Variants in CAST observed in about 807,000 individuals in gnomAD.
CAST encodes the protein MIR583 host.
CAST carries 76 observed loss-of-function variants against 119.6 expected under a neutral mutation model. The ratio of observed to expected loss-of-function variants is 0.64; its 90% CI spans 0.53 to 0.77. CAST has a LOEUF of 0.77. Ranked by LOEUF, CAST falls within the 30% of genes least tolerant of loss-of-function variation. The pLI is 0.00. For missense variants in CAST, 953 were observed against 946.5 expected, an observed-to-expected ratio of 1.01 and a Z score of -0.09; for synonymous variants, 319 against 331.6, an observed-to-expected ratio of 0.96 and a Z score of 0.41.
intron 3 of CAST, among the ~76,000 whole-genome samples, chr5:96,697,345 T>C (rs1275341724): frequency 2.6e-5 from 4 of 152,168 alleles, no homozygotes; most frequent in Non-Finnish European, 4.4e-5. Context: ...GACTTTCTCA[T>C]AGATGTCACT....
At chr5:96,597,593 C>A (rs1747074893) in intron 1 of CAST, among the ~76,000 whole-genome samples, 1 of 152,180 alleles carries the variant, frequency 6.6e-6, no homozygotes, top group African/African-American at 2.4e-5. Flanking sequence ...ACATCACACT[C>A]CTCCGTTAGT....
chr5:96,049,889 C>CAAAAAAAAAAA, the CAST span, among the ~76,000 whole-genome samples: 81 of 34,198 alleles, frequency 2.4e-3, no homozygotes, highest in South Asian at 4.3e-3. Context: ...GAACAGGAGG[C>CAAAAAAAAAAA]AAAAAAAAAA....
chr5:96,722,608 C>T (rs1195874900), intron 3 of CAST, 31 bp from the exon 4 acceptor site: 3 of 1,523,720 alleles, frequency 2.0e-6, no homozygotes, highest in African/African-American at 1.4e-5. Flanking sequence ...TAAATAGAAT[C>T]GAACTTTCTA....
chr5:96,429,124 A>C, the CAST span: 3 of 747,746 alleles, frequency 4.0e-6, no homozygotes, highest in Non-Finnish European at 4.7e-6. Context: ...AAAAAACCAC[A>C]TTTGCAAAAT....
At chr5:96,124,597 G>C in the CAST span, among the ~76,000 whole-genome samples, 34 of 152,016 alleles carry the variant, frequency 2.2e-4, no homozygotes, top group South Asian at 6.5e-3. Flanking sequence ...TATGGACAGG[G>C]ACCTTACTTT....
At chr5:96,323,282 G>T in the CAST span, among the ~76,000 whole-genome samples, 1 of 152,234 alleles carries the variant, frequency 6.6e-6, no homozygotes, top group Admixed American at 6.5e-5. Context: ...CTAACCACCA[G>T]AGTGTCTGAT....
At chr5:96,679,942 T>C (rs1751154106) in intron 2 of CAST, among the ~76,000 whole-genome samples, 1 of 152,198 alleles carries the variant, frequency 6.6e-6, no homozygotes, top group African/African-American at 2.4e-5. Context: ...ATTAACGCGA[T>C]AATGTCATGT....
the CAST span, among the ~76,000 whole-genome samples, chr5:96,323,834 G>A: frequency 6.6e-6 from 1 of 152,300 alleles, no homozygotes; most frequent in Admixed American, 6.5e-5. Flanking sequence ...CTTCCTTCCG[G>A]TTAACACAGC....
intron 3 of CAST, among the ~76,000 whole-genome samples, chr5:96,706,295 G>A (rs1261228206): frequency 1.3e-5 from 2 of 152,196 alleles, no homozygotes; most frequent in Admixed American, 6.5e-5. Flanking sequence ...ATATGAGCAA[G>A]GAACCCTTTT....
chr5:96,234,167 C>G, the CAST span, among the ~76,000 whole-genome samples: 1 of 152,126 alleles, frequency 6.6e-6, no homozygotes, highest in Non-Finnish European at 1.5e-5. Context: ...TGCATCAATT[C>G]TTTGAATTTT....
the CAST span, among the ~76,000 whole-genome samples, chr5:96,152,340 T>C: frequency 1.3e-5 from 2 of 152,198 alleles, no homozygotes; most frequent in African/African-American, 2.4e-5. Context: ...CACATCCATT[T>C]AAAGCTTATA....
chr5:96,546,356 T>C (rs1211657616), intron 1 of CAST: 1 of 152,216 alleles, frequency 6.6e-6, no homozygotes, highest in Non-Finnish European at 1.5e-5. Context: ...AAGCCTGGTC[T>C]TTTATATTTT....
chr5:96,142,721 A>G, the CAST span, among the ~76,000 whole-genome samples: 1 of 152,302 alleles, frequency 6.6e-6, no homozygotes, highest in African/African-American at 2.4e-5. Flanking sequence ...GCAGTGGGAA[A>G]ATACTTAAAA....
the CAST span, among the ~76,000 whole-genome samples, chr5:96,481,200 A>G: frequency 2.0e-5 from 3 of 151,770 alleles, no homozygotes; most frequent in Admixed American, 2.0e-4. Context: ...CACAGTCTTG[A>G]TGTCCATTTC....
chr5:96,116,692 T>C, the CAST span, among the ~76,000 whole-genome samples: 1 of 152,226 alleles, frequency 6.6e-6, no homozygotes, highest in African/African-American at 2.4e-5. Flanking sequence ...TTCTTAGGCT[T>C]ATTGTTTATT....
chr5:96,156,969 AAT>A, the CAST span, among the ~76,000 whole-genome samples: 22 of 152,350 alleles, frequency 1.4e-4, no homozygotes, highest in South Asian at 4.6e-3. Context: ...CTATTAAAAT[AAT>A]ATATGTTATA....
the CAST span, among the ~76,000 whole-genome samples, chr5:96,121,356 C>A: frequency 6.6e-6 from 1 of 151,968 alleles, no homozygotes; most frequent in Non-Finnish European, 1.5e-5. Context: ...TCCCTGGCTG[C>A]TAGGACTATT....
chr5:96,373,003 C>A, the CAST span, among the ~76,000 whole-genome samples: 1 of 152,134 alleles, frequency 6.6e-6, no homozygotes, highest in African/African-American at 2.4e-5. Flanking sequence ...CTCTCTTGAA[C>A]TGATTCTCCA....
chr5:96,342,990 G>T, the CAST span, among the ~76,000 whole-genome samples: 3 of 152,116 alleles, frequency 2.0e-5, no homozygotes. Flanking sequence ...AAAGGTGTGG[G>T]AATAGGGCAA....
Sources: gnomAD v4.1 joint callset for allele counts (sites outside exome capture counted in the v4.1 genomes callset) on GRCh38, gnomAD v4.1.1 for gene constraint, MANE v1.5 for transcripts, NCBI Gene and HGNC (gene_info 2026-07-23, HGNC 2026-07-21) for gene names.